The following MARCHF1 variants were observed in gnomAD, a reference collection of about 807,000 sequenced individuals.
The protein encoded by MARCHF1 is membrane associated ring-CH-type finger 1, also known as E3 ubiquitin-protein ligase MARCHF1.
A neutral mutation model predicts 54.2 loss-of-function variants in MARCHF1; 40 were observed. The observed-to-expected ratio is 0.74, with a 90% confidence interval of 0.57 to 0.96. The LOEUF is 0.96. MARCHF1 is among the 40% of genes least tolerant of loss of function. The pLI, the probability that MARCHF1 is intolerant of heterozygous loss-of-function variation, is 0.00. For missense variants in MARCHF1, 586 were observed against 656.5 expected, an observed-to-expected ratio of 0.89 and a Z score of 1.17; for synonymous variants, 236 against 236.3, an observed-to-expected ratio of 1.00 and a Z score of 0.01.
At chr4:163,980,066 C>T (rs1480115443) in intron 3 of MARCHF1, among the ~76,000 whole-genome samples, 6 of 149,628 alleles carry the variant, frequency 4.0e-5, no homozygotes, top group African/African-American at 4.9e-5. Context: ...CAAGTCAATC[C>T]TAAGCCAAAA....
intron 3 of MARCHF1, among the ~76,000 whole-genome samples, chr4:163,925,128 T>G (rs577109616): frequency 6.6e-6 from 1 of 152,002 alleles, no homozygotes; most frequent in African/African-American, 2.4e-5. Flanking sequence ...GGAAGTGAGG[T>G]TGGCCAAACG....
intron 3 of MARCHF1, among the ~76,000 whole-genome samples, chr4:163,872,998 C>T (rs917723317): frequency 2.0e-5 from 3 of 151,764 alleles, no homozygotes; most frequent in Admixed American, 1.3e-4. Flanking sequence ...GAGCCGAGAT[C>T]GCGCCACTGC....
intron 1 of MARCHF1, among the ~76,000 whole-genome samples, chr4:164,257,927 A>T (rs1733339467): frequency 6.6e-6 from 1 of 152,226 alleles, no homozygotes; most frequent in Non-Finnish European, 1.5e-5. Context: ...AATATAAGTC[A>T]TTCTATTATA....
chr4:163,854,275 G>A, intron 3 of MARCHF1, 106 bp from the exon 4 acceptor site: 1 of 858,564 alleles, frequency 1.2e-6, no homozygotes, highest in Non-Finnish European at 1.7e-6. Context: ...CACTAATTGA[G>A]ACTTTTTTAA....
intron 1 of MARCHF1, among the ~76,000 whole-genome samples, chr4:164,165,860 A>T (rs528466219): frequency 6.6e-6 from 1 of 152,092 alleles, no homozygotes; most frequent in South Asian, 2.1e-4. Flanking sequence ...TCCTACTCCG[A>T]TACAACAAGT....
At chr4:163,817,970 G>A (rs1208794387) in intron 4 of MARCHF1, among the ~76,000 whole-genome samples, 1 of 110,204 alleles carries the variant, frequency 9.1e-6, no homozygotes, top group East Asian at 2.6e-4. Flanking sequence ...GTGGGGTGGG[G>A]GGAGGGGGGA....
chr4:163,687,372 T>A (rs1027414915), intron 5 of MARCHF1, among the ~76,000 whole-genome samples: 2 of 151,900 alleles, frequency 1.3e-5, no homozygotes, highest in Non-Finnish European at 2.9e-5. Flanking sequence ...GGACTACAGG[T>A]GCCCGCCACC....
chr4:164,344,825 T>A (rs1347368747), intron 1 of MARCHF1, among the ~76,000 whole-genome samples: 1 of 152,164 alleles, frequency 6.6e-6, no homozygotes, highest in African/African-American at 2.4e-5. Flanking sequence ...TGAAGCAACC[T>A]ACCCAGCATT....
chr4:164,097,890 C>T (rs1755449484), intron 2 of MARCHF1, among the ~76,000 whole-genome samples: 1 of 152,156 alleles, frequency 6.6e-6, no homozygotes, highest in Non-Finnish European at 1.5e-5. Flanking sequence ...GTAGGTCATA[C>T]TCATCGCAGT....
At chr4:164,140,977 G>T (rs548188127) in intron 1 of MARCHF1, among the ~76,000 whole-genome samples, 1 of 152,148 alleles carries the variant, frequency 6.6e-6, no homozygotes, top group African/African-American at 2.4e-5. Context: ...AAACCTATTT[G>T]CTACCCCACG....
intron 3 of MARCHF1, among the ~76,000 whole-genome samples, chr4:163,956,481 T>G (rs1752235752): frequency 6.6e-6 from 1 of 152,158 alleles, no homozygotes. Flanking sequence ...GATAGTATTC[T>G]TTAGCCCACT....
chr4:163,868,935 G>C (rs1750111375), intron 3 of MARCHF1, among the ~76,000 whole-genome samples: 1 of 151,788 alleles, frequency 6.6e-6, no homozygotes, highest in South Asian at 2.1e-4. Flanking sequence ...GCTATAACAT[G>C]ACACATGTTT....
chr4:164,364,762 T>C (rs932821014), intron 1 of MARCHF1, among the ~76,000 whole-genome samples: 1 of 151,810 alleles, frequency 6.6e-6, no homozygotes, highest in Non-Finnish European at 1.5e-5. Context: ...TTGATGAAGG[T>C]AGTTTAACCC....
At chr4:164,363,766 C>CGTGT (rs113007142) in intron 1 of MARCHF1, among the ~76,000 whole-genome samples, 18 of 150,204 alleles carry the variant, frequency 1.2e-4, no homozygotes, top group African/African-American at 3.4e-4. Context: ...ATTAATAAGC[C>CGTGT]GTGTGTGTGT....
chr4:164,221,597 T>A (rs1732114691), intron 1 of MARCHF1, among the ~76,000 whole-genome samples: 1 of 152,110 alleles, frequency 6.6e-6, no homozygotes, highest in East Asian at 1.9e-4. Flanking sequence ...ACAAATAAGT[T>A]TCTTTTTTTT....
intron 3 of MARCHF1, among the ~76,000 whole-genome samples, chr4:163,938,721 G>T (rs1335615005): frequency 1.3e-5 from 2 of 152,124 alleles, no homozygotes; most frequent in Non-Finnish European, 2.9e-5. Context: ...TCACAGAGCT[G>T]GGGAGGCCTC....
chr4:164,252,686 C>T (rs1733163378), intron 1 of MARCHF1, among the ~76,000 whole-genome samples: 1 of 152,054 alleles, frequency 6.6e-6, no homozygotes, highest in Admixed American at 6.6e-5. Flanking sequence ...CAATTATTTA[C>T]TTTAACAAGT....
At chr4:164,138,884 A>T (rs1052449638) in intron 1 of MARCHF1, among the ~76,000 whole-genome samples, 3 of 152,230 alleles carry the variant, frequency 2.0e-5, no homozygotes, top group African/African-American at 4.8e-5. Flanking sequence ...TTGAAAAAAA[A>T]GTATTCTGAA....
chr4:163,937,986 CA>C (rs1751837124), intron 3 of MARCHF1, among the ~76,000 whole-genome samples: 2 of 152,202 alleles, frequency 1.3e-5, no homozygotes, highest in South Asian at 4.1e-4. Flanking sequence ...GTCAATGGCT[CA>C]AAACATATTT....
Sources: gnomAD v4.1 joint callset for allele counts (sites outside exome capture counted in the v4.1 genomes callset) on GRCh38, gnomAD v4.1.1 for gene constraint, MANE v1.5 for transcripts, NCBI Gene and HGNC (gene_info 2026-07-23, HGNC 2026-07-21) for gene names.